CLCN1: variants seen among roughly 807,000 people sequenced by gnomAD.
CLCN1 encodes chloride voltage-gated channel 1.
In CLCN1, 100 loss-of-function variants were observed where a neutral mutation model predicts 114.5. The ratio of observed to expected loss-of-function variants is 0.87; its 90% CI spans 0.74 to 1.03. The LOEUF is 1.03. Among genes scored for constraint, CLCN1 ranks in the 50% least tolerant of loss-of-function variants. The pLI is 0.00. For synonymous variants in CLCN1, 485 were observed against 487.1 expected (o/e 1.00, Z 0.06); for missense variants, 1,188 against 1,250.0 (o/e 0.95, Z 0.75).
At chr7:143,323,285 G>GC in intron 5 of CLCN1, 24 bp from the exon 6 acceptor site, 1 of 1,370,518 alleles carries the variant, frequency 7.3e-7, no homozygotes, top group Non-Finnish European at 1.0e-6. Flanking sequence ...TCTGACCCCC[G>GC]CCCCCTCGCT....
chr7:143,346,190 A>G lies in CLCN1; in HGVS notation c.2223A>G (p.Pro741=). 6.2e-7 allele frequency: 1 copy of G among 1,613,716 alleles called. No homozygotes were observed. The highest frequency in any genetic ancestry group is 8.5e-7 in the Non-Finnish European group (1 of 1,179,822). The change falls in exon 18 of 23, where the codon CCA becomes CCG. Residue 741 remains proline, a synonymous_variant. Coordinates refer to ENST00000343257, the MANE Select transcript of CLCN1 (RefSeq NM_000083.3). ...CCTCTACTACTGCCCCTCTGTCCCC[A>G]GAAGAGCCCAATGGGCCTCTGCCTG... is the stretch of plus-strand genomic sequence containing the variant. ...LHPSTTAPLS[P]EEPNGPLPGH...
chr7:143,323,980 G>A (rs1802518015), intron 6 of CLCN1: 1 of 413,208 alleles, frequency 2.4e-6, no homozygotes, highest in South Asian at 1.8e-5. Flanking sequence ...GCTTTGGAGT[G>A]GGCATCCAGG....
chr7:143,345,853 G>A, intron 17 of CLCN1, 91 bp downstream of exon 17: 2 of 1,523,536 alleles, frequency 1.3e-6, no homozygotes, highest in Admixed American at 2.0e-5. Context: ...GCTGGGACAG[G>A]CGTAGTTTCC....
chr7:143,345,800 C>A, intron 17 of CLCN1, 38 bp downstream of exon 17: 1 of 1,591,034 alleles, frequency 6.3e-7, no homozygotes, highest in South Asian at 1.1e-5. Flanking sequence ...TGGGATAGAT[C>A]AGGAGCAAAG....
intron 12 of CLCN1, among the ~76,000 whole-genome samples, chr7:143,333,615 C>T (rs1218284098): frequency 6.6e-6 from 1 of 151,986 alleles, no homozygotes; most frequent in East Asian, 1.9e-4. Context: ...TTTTTTCCCC[C>T]GGTTTTGTAG....
rs1454438376 is a variant in CLCN1 at position 143,323,327 on chromosome 7, G to C, written c.715G>C (p.Ala239Pro). ...VGKEGPFVHI[A>P]SICAAVLSKF... is the part of the protein sequence containing the mutation. ...CTCCCAGGGCCCCTTCGTCCACATT[G>C]CCAGCATCTGTGCTGCTGTCCTCAG... Residue 239 changes from alanine (A) to proline (P), a missense_variant, in exon 6 of 23, where the codon GCC becomes CCC. Physicochemically the swap from Ala to Pro is conservative, Grantham distance 27 (BLOSUM62 -1). Coordinates refer to ENST00000343257, the MANE Select transcript of CLCN1 (RefSeq NM_000083.3). 1 of 1,612,772 alleles carries C rather than the reference G, an allele frequency of 6.2e-7. No homozygotes were observed. The highest frequency in any genetic ancestry group is 8.5e-7 in the Non-Finnish European group (1 of 1,179,056).
Position 143,323,367 on chromosome 7 carries a change from T to C in CLCN1, c.755T>C (p.Val252Ala). ...CAAVLSKFMSVFCGVYEQPYY... is the reference protein window; with the variant it reads ...CAAVLSKFMSAFCGVYEQPYY... Reference sequence around the variant, plus strand: ...GCTGTCCTCAGCAAATTCATGTCTGTGTTCTGCGGGGTATATGAGGTAAGG... The same window carrying C: ...GCTGTCCTCAGCAAATTCATGTCTGCGTTCTGCGGGGTATATGAGGTAAGG... Residue 252 changes from valine to alanine, a missense_variant, in exon 6 of 23, where the codon GTG becomes GCG. By Grantham distance (64) the Val-to-Ala change is moderately conservative. Transcript: ENST00000343257. 1 of 1,613,184 alleles carries C rather than the reference T, an allele frequency of 6.2e-7. No homozygotes were observed. Among genetic ancestry groups the C allele is most frequent in the Non-Finnish European group, 8.5e-7 (1 of 1,179,276 alleles).
intron 7 of CLCN1, among the ~76,000 whole-genome samples, chr7:143,327,730 C>T (rs1323621672): frequency 6.6e-6 from 1 of 152,204 alleles, no homozygotes; most frequent in African/African-American, 2.4e-5. Flanking sequence ...TTTTGGCTCA[C>T]TGCAACCTCT....
chr7:143,320,553 T>TTCTCTCTCTCTCTCTCTCTC (rs59572880), intron 2 of CLCN1, 111 bp from the exon 3 acceptor site: 54 of 674,322 alleles, frequency 8.0e-5, no homozygotes, highest in African/African-American at 9.7e-5. Context: ...TTAGCTGCTT[T>TTCTCTCTCTCTCTCTCTCTC]TCTCTCTCTC....
intron 7 of CLCN1, among the ~76,000 whole-genome samples, chr7:143,327,979 T>C (rs1482098193): frequency 2.0e-5 from 3 of 151,804 alleles, no homozygotes; most frequent in Admixed American, 2.0e-4. Context: ...TTGTGTGGGG[T>C]AAAAGAGAGG....
Position 143,321,692 on chromosome 7 carries a change from A to G in CLCN1, c.563-23A>G, listed in dbSNP as rs41276048. On this transcript the variant is annotated intron_variant, in intron 4 of 22. Transcript: ENST00000343257. The surrounding 1 kb of genome is among the most constrained non-coding windows in gnomAD (Gnocchi z 4.2). Reference sequence around the variant, plus strand: ...CTTTTCACCTTCACCTTGACCCTGCACATAATCTTTCAACGCTTTTAGGCT... The same window carrying G: ...CTTTTCACCTTCACCTTGACCCTGCGCATAATCTTTCAACGCTTTTAGGCT... 1.2e-6 allele frequency: 2 copies of G among 1,614,094 alleles called. No individual in the cohort carries two copies.
intron 7 of CLCN1, among the ~76,000 whole-genome samples, chr7:143,330,141 T>A (rs1390677959): frequency 6.6e-6 from 1 of 152,078 alleles, no homozygotes; most frequent in East Asian, 1.9e-4. Context: ...TTAAGTCGGG[T>A]TTTTAGTATT....
intron 10 of CLCN1, among the ~76,000 whole-genome samples, chr7:143,331,924 G>A (rs897771338): frequency 3.9e-5 from 6 of 152,176 alleles, no homozygotes; most frequent in African/African-American, 7.2e-5. Context: ...TGCCTCCTGG[G>A]TTCAAGCGAT....
Position 143,345,684 on chromosome 7 carries a change from C to T in CLCN1, c.2094C>T (p.Pro698=), listed in dbSNP as rs758874120. Residue 698 remains proline, a synonymous_variant, in exon 17 of 23, where the codon CCC becomes CCT. Coordinates refer to ENST00000343257, the MANE Select transcript of CLCN1 (RefSeq NM_000083.3). The part of the protein sequence containing the change: ...GKARLAGEGL[P]GAPPGRPESF... ...CGCGGCTGGCTGGGGAGGGGCTCCC[C>T]GGCGCGCCTCCAGGCCGGCCCGAGT... The T allele has an allele frequency of 3.8e-5, 59 of 1,556,706 alleles. No homozygotes were observed. The highest frequency in any genetic ancestry group is 4.9e-5 in the Non-Finnish European group (56 of 1,151,632).
At chr7:143,317,243 A>C in intron 1 of CLCN1, among the ~76,000 whole-genome samples, 1 of 135,278 alleles carries the variant, frequency 7.4e-6, no homozygotes. Flanking sequence ...GTTGGCCAGA[A>C]CTTTTTTTTT....
chr7:143,324,522 C>A lies in CLCN1; in HGVS notation c.853+30C>A. The A allele has an allele frequency of 6.4e-7, 1 of 1,563,114 alleles. No individual in the cohort carries two copies. The highest frequency in any genetic ancestry group is 8.8e-7 in the Non-Finnish European group (1 of 1,133,614). On this transcript the variant is annotated intron_variant, in intron 7 of 22. Coordinates refer to ENST00000343257, the MANE Select transcript of CLCN1 (RefSeq NM_000083.3). This position sits in a 1 kb window ranked among gnomAD's most constrained non-coding sequence, Gnocchi z 4.6. ...GTGATTGACCCCCTCCCCCATCAAT[C>A]GGCTTGCCTGGCCTGGCTCCCAAAA... is the stretch of plus-strand genomic sequence containing the variant.
At position 143,324,536 on chromosome 7, in the gene CLCN1, T is replaced by G; in HGVS notation, c.853+44T>G. 1 of 1,469,126 alleles carries G rather than the reference T, an allele frequency of 6.8e-7. No homozygotes were observed. Among genetic ancestry groups the G allele is most frequent in the Middle Eastern group, 1.8e-4 (1 of 5,586 alleles). 91.0% of individuals were successfully genotyped at this position (1,469,126 alleles called of 1,614,324 possible). On this transcript the variant is annotated intron_variant, in intron 7 of 22. Transcript: ENST00000343257. The surrounding 1 kb of genome is among the most constrained non-coding windows in gnomAD (Gnocchi z 4.6). ...CCCCCATCAATCGGCTTGCCTGGCC[T>G]GGCTCCCAAAACAGTTTTAATCAGT...
intron 12 of CLCN1, among the ~76,000 whole-genome samples, chr7:143,334,295 A>G (rs989122557): frequency 6.6e-6 from 1 of 152,132 alleles, no homozygotes; most frequent in Admixed American, 6.6e-5. Context: ...TTGCCTAAAT[A>G]ACACAACACT....
chr7:143,317,006 G>T (rs1328463575), intron 1 of CLCN1, among the ~76,000 whole-genome samples: 2 of 152,178 alleles, frequency 1.3e-5, no homozygotes, highest in African/African-American at 4.8e-5. Flanking sequence ...TGTGATCCCA[G>T]CAACAGAAGC....
Sources: gnomAD v4.1 joint callset for allele counts (sites outside exome capture counted in the v4.1 genomes callset) on GRCh38, gnomAD v4.1.1 for gene constraint, Gnocchi (gnomAD v3.1) non-coding constraint, MANE v1.5 for transcripts, NCBI Gene and HGNC (gene_info 2026-07-23, HGNC 2026-07-21) for gene names.